SSH1: variants seen among roughly 807,000 people sequenced by gnomAD.
The protein encoded by SSH1 is slingshot protein phosphatase 1, also known as protein phosphatase Slingshot homolog 1.
In SSH1, 43 loss-of-function variants were observed where a neutral mutation model predicts 79.7. The ratio of observed to expected loss-of-function variants is 0.54; its 90% CI spans 0.42 to 0.70. The LOEUF is 0.70. Ranked by LOEUF, SSH1 falls within the 30% of genes least tolerant of loss-of-function variation. The pLI, the probability that SSH1 is intolerant of heterozygous loss-of-function variation, is 0.00. For synonymous variants in SSH1, 599 were observed against 538.3 expected (o/e 1.11, Z -1.56); for missense variants, 1,206 against 1,358.8 (o/e 0.89, Z 1.77).
rs2036550139 is a variant in SSH1 at position 108,792,464 on chromosome 12, AGT to A, written c.1713_1714del (p.Lys571AsnfsTer62). ...CCGACCTTTGGGACTCCCAAACTCT[AGT>A]TTCTTCTTCACATCCTTCTCACAGA... On this transcript the variant is annotated frameshift_variant, in exon 14 of 15. Transcript: ENST00000326495. LOFTEE classifies it high-confidence loss of function. 3 of 1,613,940 alleles carry A rather than the reference AGT, an allele frequency of 1.9e-6. No homozygotes were observed. The highest frequency in any genetic ancestry group is 2.5e-6 in the Non-Finnish European group (3 of 1,180,026).
chr12:108,856,986 TCA>T (rs374395641), intron 1 of SSH1, among the ~76,000 whole-genome samples: 1 of 151,994 alleles, frequency 6.6e-6, no homozygotes, highest in African/African-American at 2.4e-5. Context: ...ACACCTGAAA[TCA>T]CAGTCCCCAC....
chr12:108,827,986 G>A (rs2038371451), intron 2 of SSH1, among the ~76,000 whole-genome samples: 1 of 152,170 alleles, frequency 6.6e-6, no homozygotes, highest in South Asian at 2.1e-4. Flanking sequence ...AGGCTGCAAA[G>A]GTCCTAAAGG....
At chr12:108,802,425 T>C in intron 10 of SSH1, 57 bp from the exon 11 acceptor site, 3 of 1,543,120 alleles carry the variant, frequency 1.9e-6, no homozygotes, top group Non-Finnish European at 2.7e-6. Flanking sequence ...TCAGAGCTGC[T>C]CAGGGGATGC....
In SSH1 at chr12:108,792,730, G is replaced by T. The variant is rs892343198; in HGVS notation, c.1449C>A (p.Thr483=). 8.1e-6 allele frequency: 13 copies of T among 1,613,668 alleles called. No homozygotes were observed. Among genetic ancestry groups the T allele is most frequent in the Non-Finnish European group, 1.1e-5 (13 of 1,180,048 alleles). ...GCTGGCTTTCCGGGGTGCCATCTGG[G>T]GTCTCTGGCAAGAAGTCGCCAGGTC... ...PAGPGDFLPE[T]PDGTPESQLP... Residue 483 remains threonine, a synonymous_variant, in exon 14 of 15, where the codon ACC becomes ACA. Transcript: ENST00000326495.
rs117004603 is a variant in SSH1, at chr12:108,840,959, G to A, written c.110+11679C>T. Among the ~76,000 whole-genome samples, 833 of 152,316 alleles carry A rather than the reference G, an allele frequency of 5.5e-3. 2 individuals are homozygous for A. Among genetic ancestry groups the A allele is most frequent in the Non-Finnish European group, 9.9e-3 (673 of 68,032 alleles). ...TGCTCTCACCGTGGGAATAAAACTC[G>A]TGATAGTCAGTTACAAATACACAGC... On this transcript the variant is annotated intron_variant, in intron 2 of 14. Coordinates refer to ENST00000326495, the MANE Select transcript of SSH1 (RefSeq NM_018984.4).
intron 2 of SSH1, among the ~76,000 whole-genome samples, chr12:108,836,388 G>A (rs950267311): frequency 6.6e-6 from 1 of 152,106 alleles, no homozygotes; most frequent in African/African-American, 2.4e-5. Flanking sequence ...CCACTAAAAG[G>A]AACCAGAGCC....
In SSH1 at chr12:108,787,764, C is replaced by A. The variant is rs967887766; in HGVS notation, c.*224G>T. On this transcript the variant is annotated 3_prime_UTR_variant, in exon 15 of 15. Coordinates refer to ENST00000326495, the MANE Select transcript of SSH1 (RefSeq NM_018984.4). ...GCGGAGTTTTGTGTCTCCTGGCCGG[C>A]GGCTCCTGGTTCTCCCAGGCCACAC... The A allele has an allele frequency of 8.3e-6, 5 of 599,310 alleles. No homozygotes were observed. Among genetic ancestry groups the A allele is most frequent in the Non-Finnish European group, 1.5e-5 (5 of 343,984 alleles). 37.1% of individuals were successfully genotyped at this position (599,310 alleles called of 1,614,324 possible). A position where few individuals can be genotyped will look rare whatever the true frequency, so the allele number is the denominator to read the frequency against.
intron 2 of SSH1, among the ~76,000 whole-genome samples, chr12:108,846,268 G>A (rs769284919): frequency 5.9e-5 from 9 of 151,886 alleles, no homozygotes; most frequent in Non-Finnish European, 1.2e-4. Context: ...TAATGACCAC[G>A]TTCCCGCAAT....
chr12:108,841,217 G>T (rs965715888), intron 2 of SSH1, among the ~76,000 whole-genome samples: 3 of 152,208 alleles, frequency 2.0e-5, no homozygotes, highest in Non-Finnish European at 2.9e-5. Flanking sequence ...TCATGAAGAT[G>T]AACGCTGGTA....
At chr12:108,827,482 CAG>C in intron 2 of SSH1, 1 of 1,298,778 alleles carries the variant, frequency 7.7e-7, no homozygotes, top group Non-Finnish European at 9.8e-7. Context: ...AACTCCTCCT[CAG>C]AGTCCTACCC....
intron 2 of SSH1, among the ~76,000 whole-genome samples, chr12:108,831,265 GACTGTCAATTGTCCAGCGA>G: frequency 6.6e-6 from 1 of 152,166 alleles, no homozygotes; most frequent in African/African-American, 2.4e-5. Context: ...TTACTGAGGG[GACTGTCAATTGTCCAGCGA>G]ACTTGATGGT....
intron 1 of SSH1, chr12:108,853,013 T>C: frequency 4.1e-6 from 4 of 985,388 alleles, no homozygotes; most frequent in Non-Finnish European, 4.8e-6. Flanking sequence ...TTCTGGACCT[T>C]ATCCTGTTTT....
intron 12 of SSH1, among the ~76,000 whole-genome samples, chr12:108,799,568 CGA>C (rs1157012307): frequency 1.3e-5 from 2 of 152,076 alleles, no homozygotes; most frequent in African/African-American, 2.4e-5. Context: ...TTTCCTGAGA[CGA>C]GAGTGGGCAG....
rs2037984475 is a variant in SSH1, at chr12:108,818,331, A to C, written c.215-18T>G. ...CAGATCACCTGTTGGACCAATAAAG[A>C]AAGCTTTAAAAGGTCTCTTACCTAC... On this transcript the variant is annotated intron_variant, in intron 3 of 14. Coordinates refer to ENST00000326495, the MANE Select transcript of SSH1 (RefSeq NM_018984.4). 6.2e-7 allele frequency: 1 copy of C among 1,611,816 alleles called. No individual in the cohort carries two copies. Among genetic ancestry groups the C allele is most frequent in the African/African-American group, 1.3e-5 (1 of 75,002 alleles).
At chr12:108,816,446 AG>A (rs2037890629) in intron 5 of SSH1, among the ~76,000 whole-genome samples, 2 of 152,114 alleles carry the variant, frequency 1.3e-5, no homozygotes, top group Non-Finnish European at 2.9e-5. Flanking sequence ...TTGTGATGTC[AG>A]GGGAGTGACT....
In SSH1 at chr12:108,783,815, T is replaced by G. The variant is rs895675471; in HGVS notation, c.*4173A>C. 1 of 152,240 alleles carries G rather than the reference T, an allele frequency of 6.6e-6. No homozygotes were observed. The highest frequency in any genetic ancestry group is 6.5e-5 in the Admixed American group (1 of 15,276). 9.4% of individuals were successfully genotyped at this position (152,240 alleles called of 1,614,324 possible). A position where few individuals can be genotyped will look rare whatever the true frequency, so the allele number is the denominator to read the frequency against. On this transcript the variant is annotated 3_prime_UTR_variant, in exon 15 of 15. Coordinates refer to ENST00000326495, the MANE Select transcript of SSH1 (RefSeq NM_018984.4). ...AGCAGATGATAACAAAACAAGTGGC[T>G]GGGGACAGGGGTCATTCAACAACCT...
Position 108,792,373 on chromosome 12 carries a change from C to T in SSH1, c.1806G>A (p.Gly602=). 6.2e-7 allele frequency: 1 copy of T among 1,614,152 alleles called. No individual in the cohort carries two copies. The highest frequency in any genetic ancestry group is 8.5e-7 in the Non-Finnish European group (1 of 1,180,024). ...TTTGATCGAGCTGGGTTGGAAGCTG[C>T]CCCCACCTCCCTGCTCCCAGGCCCT... ...REEGLGAGRW[G]QLPTQLDQNL... Residue 602 remains glycine, a synonymous_variant, in exon 14 of 15, where the codon GGG becomes GGA. Transcript: ENST00000326495.
chr12:108,830,090 G>T (rs1407957066), intron 2 of SSH1, among the ~76,000 whole-genome samples: 1 of 152,148 alleles, frequency 6.6e-6, no homozygotes, highest in Non-Finnish European at 1.5e-5. Flanking sequence ...CTGGGAGACA[G>T]ATCTTGTCTC....
chr12:108,819,438 T>C (rs768196454), intron 3 of SSH1, among the ~76,000 whole-genome samples: 2 of 152,196 alleles, frequency 1.3e-5, no homozygotes, highest in Non-Finnish European at 2.9e-5. Context: ...AATTAGTAAG[T>C]AGCAGGTGTG....
Sources: gnomAD v4.1 joint callset for allele counts (sites outside exome capture counted in the v4.1 genomes callset) on GRCh38, gnomAD v4.1.1 for gene constraint, MANE v1.5 for transcripts, NCBI Gene and HGNC (gene_info 2026-07-23, HGNC 2026-07-21) for gene names.